Variants in CACNG5 observed in about 807,000 individuals in gnomAD.
CACNG5 encodes voltage-dependent calcium channel gamma-5 subunit.
A neutral mutation model predicts 24.8 loss-of-function variants in CACNG5; 18 were observed. The ratio of observed to expected loss-of-function variants is 0.73; its 90% CI spans 0.50 to 1.08. The LOEUF (loss-of-function observed/expected upper bound fraction) is 1.08. Ranked by LOEUF, CACNG5 falls within the 50% of genes least tolerant of loss-of-function variation. CACNG5 has a pLI of 0.00. For missense variants in CACNG5, 349 were observed against 367.9 expected, an observed-to-expected ratio of 0.95 and a Z score of 0.42; for synonymous variants, 157 against 149.1, an observed-to-expected ratio of 1.05 and a Z score of -0.39.
intron 1 of CACNG5, among the ~76,000 whole-genome samples, chr17:66,841,425 C>T (rs1218383045): frequency 6.6e-6 from 1 of 152,182 alleles, no homozygotes; most frequent in Non-Finnish European, 1.5e-5. Flanking sequence ...ATTTATTTTC[C>T]TTTCCCAGCC....
chr17:66,843,880 A>T (rs1976600529), intron 1 of CACNG5, among the ~76,000 whole-genome samples: 1 of 151,038 alleles, frequency 6.6e-6, no homozygotes, highest in Non-Finnish European at 1.5e-5. Flanking sequence ...CAAGCAAAAG[A>T]GTACAAGCTG....
intron 1 of CACNG5, among the ~76,000 whole-genome samples, chr17:66,858,543 C>T (rs766559712): frequency 2.8e-4 from 42 of 152,260 alleles, no homozygotes; most frequent in Non-Finnish European, 5.1e-4. Flanking sequence ...TCCAGCTGAG[C>T]GGCAAGCAGG....
At chr17:66,871,108 G>C (rs1285014536) in intron 1 of CACNG5, among the ~76,000 whole-genome samples, 1 of 152,144 alleles carries the variant, frequency 6.6e-6, no homozygotes, top group African/African-American at 2.4e-5. Context: ...CAAAGATTTT[G>C]CGGTCATTTT....
intron 1 of CACNG5, among the ~76,000 whole-genome samples, chr17:66,867,055 A>G (rs2143088281): frequency 6.6e-6 from 1 of 152,362 alleles, no homozygotes; most frequent in South Asian, 2.1e-4. Flanking sequence ...ACTGTCTTCC[A>G]AAATGGTTGA....
intron 1 of CACNG5, among the ~76,000 whole-genome samples, chr17:66,847,022 G>C (rs562993625): frequency 6.6e-6 from 1 of 152,358 alleles, no homozygotes; most frequent in East Asian, 1.9e-4. Context: ...CTTGTCAAAA[G>C]CTACACACCT....
At chr17:66,848,665 G>T (rs1407130660) in intron 1 of CACNG5, among the ~76,000 whole-genome samples, 1 of 152,146 alleles carries the variant, frequency 6.6e-6, no homozygotes, top group Non-Finnish European at 1.5e-5. Flanking sequence ...CAGGGGAGAC[G>T]AATTTGAGGT....
rs572834843 is a variant in CACNG5 at position 66,835,985 on chromosome 17, C to T, written c.-104+735C>T. Among the ~76,000 whole-genome samples the T allele has an allele frequency of 5.9e-5, 9 of 152,294 alleles. No individual in the cohort carries two copies. The South Asian group carries it at 1.9e-3, about 32-fold the overall frequency. ...TTTGGCAGTTGATGAAGATGCAGCTCGTTAAAAATGTTAAAGTGAAATCAA... is the reference window on the plus strand; with the variant it reads ...TTTGGCAGTTGATGAAGATGCAGCTTGTTAAAAATGTTAAAGTGAAATCAA... On this transcript the variant is annotated intron_variant, in intron 1 of 5. Transcript: ENST00000533854.
chr17:66,891,767 A>C lies in CACNG5; in HGVS notation c.*6527A>C, dbSNP rs944079067. Among the ~76,000 whole-genome samples the C allele has an allele frequency of 6.6e-6, 1 of 152,180 alleles. No homozygotes were observed. The highest frequency in any genetic ancestry group is 1.5e-5 in the Non-Finnish European group (1 of 68,024). Reference sequence around the variant, plus strand: ...TTGTGAGGAACACATGAGAGATGGGATCTATGGTAGCAACCACCTTTGAGA... The same window carrying C: ...TTGTGAGGAACACATGAGAGATGGGCTCTATGGTAGCAACCACCTTTGAGA... On this transcript the variant is annotated 3_prime_UTR_variant, in exon 6 of 6. Coordinates refer to ENST00000533854, the MANE Select transcript of CACNG5 (RefSeq NM_145811.3).
chr17:66,853,478 G>T (rs1413958776), intron 1 of CACNG5, among the ~76,000 whole-genome samples: 1 of 152,208 alleles, frequency 6.6e-6, no homozygotes, highest in Non-Finnish European at 1.5e-5. Flanking sequence ...TATGAGAGCT[G>T]CAGTTTCTCC....
At chr17:66,869,944 G>A (rs894750639) in intron 1 of CACNG5, among the ~76,000 whole-genome samples, 14 of 152,104 alleles carry the variant, frequency 9.2e-5, no homozygotes, top group East Asian at 1.9e-4. Flanking sequence ...TTAGCGGGGC[G>A]TGGTGGCAGG....
intron 1 of CACNG5, among the ~76,000 whole-genome samples, chr17:66,861,021 G>GCA (rs1030432575): frequency 3.9e-5 from 5 of 129,498 alleles, no homozygotes; most frequent in Middle Eastern, 3.8e-3. Context: ...TTGTGCACAT[G>GCA]CACGCACACA....
At chr17:66,849,220 G>A (rs537206314) in intron 1 of CACNG5, among the ~76,000 whole-genome samples, 55 of 152,218 alleles carry the variant, frequency 3.6e-4, no homozygotes, top group African/African-American at 1.3e-3. Flanking sequence ...TCTTCCCTCC[G>A]GATGGGAACG....
chr17:66,870,697 C>T lies in CACNG5; in HGVS notation c.-103-6533C>T, dbSNP rs150616849. On this transcript the variant is annotated intron_variant, in intron 1 of 5. Coordinates refer to ENST00000533854, the MANE Select transcript of CACNG5 (RefSeq NM_145811.3). ...TGACCCAGCCTCAGAAGTCACATAG[C>T]GCCAGGTGTGGTGGCTCACACCTAT... Among the ~76,000 whole-genome samples, 229 of 152,232 alleles carry T rather than the reference C, an allele frequency of 1.5e-3. 1 individual carries two copies. Among genetic ancestry groups the T allele is most frequent in the East Asian group, 3.5e-3 (18 of 5,162 alleles).
At position 66,880,656 on chromosome 17, in the gene CACNG5, CGATACT is replaced by C; in HGVS notation, c.385_390del (p.Ile129_Leu130del). 1 of 1,614,230 alleles carries C rather than the reference CGATACT, an allele frequency of 6.2e-7. No homozygotes were observed. Among genetic ancestry groups the C allele is most frequent in the Non-Finnish European group, 8.5e-7 (1 of 1,180,020 alleles). ...ATCGGACACATCCGTCCCCACCGGA[CGATACT>C]GGCCTTTGTCTCTGGCATCTTCTTT... On this transcript the variant is annotated inframe_deletion, in exon 4 of 6. Coordinates refer to ENST00000533854, the MANE Select transcript of CACNG5 (RefSeq NM_145811.3).
chr17:66,850,737 G>A (rs1976702104), intron 1 of CACNG5, among the ~76,000 whole-genome samples: 1 of 152,086 alleles, frequency 6.6e-6, no homozygotes, highest in African/African-American at 2.4e-5. Flanking sequence ...GGGGGTGTTA[G>A]AGCTTTCCAA....
chr17:66,854,170 C>T (rs2143054600), intron 1 of CACNG5, among the ~76,000 whole-genome samples: 1 of 152,310 alleles, frequency 6.6e-6, no homozygotes, highest in Admixed American at 6.5e-5. Context: ...TGGCTCACGC[C>T]TGTAATCTCA....
chr17:66,888,827 G>A lies in CACNG5; in HGVS notation c.*3587G>A, dbSNP rs1302738939. Among the ~76,000 whole-genome samples the A allele has an allele frequency of 2.0e-5, 3 of 152,160 alleles. No homozygotes were observed. Among genetic ancestry groups the A allele is most frequent in the Non-Finnish European group, 4.4e-5 (3 of 68,032 alleles). On this transcript the variant is annotated 3_prime_UTR_variant, in exon 6 of 6. Coordinates refer to ENST00000533854, the MANE Select transcript of CACNG5 (RefSeq NM_145811.3). ...CTCTGGTTGGAGGGAAGGTTATCTC[G>A]GGGCTGGCATGTCTCTGGTTGGGGA...
chr17:66,890,056 C>A lies in CACNG5; in HGVS notation c.*4816C>A, dbSNP rs11079671. On this transcript the variant is annotated 3_prime_UTR_variant, in exon 6 of 6. Coordinates refer to ENST00000533854, the MANE Select transcript of CACNG5 (RefSeq NM_145811.3). ...AGCTCTCCAAGTCTTGACTTTCTCC[C>A]CACACTCAGTGAACCACTTTCATAT... Among the ~76,000 whole-genome samples the A allele has an allele frequency of 2.6e-5, 4 of 152,030 alleles. No homozygotes were observed. Among genetic ancestry groups the A allele is most frequent in the South Asian group, 2.1e-4 (1 of 4,828 alleles).
At chr17:66,859,038 G>C (rs895320873) in intron 1 of CACNG5, among the ~76,000 whole-genome samples, 1 of 152,160 alleles carries the variant, frequency 6.6e-6, no homozygotes, top group Non-Finnish European at 1.5e-5. Context: ...TTCCTCACTC[G>C]TAGGGACATG....
Sources: gnomAD v4.1 joint callset for allele counts (sites outside exome capture counted in the v4.1 genomes callset) on GRCh38, gnomAD v4.1.1 for gene constraint, MANE v1.5 for transcripts, NCBI Gene and HGNC (gene_info 2026-07-23, HGNC 2026-07-21) for gene names.